ELAVL2: variants seen among roughly 807,000 people sequenced by gnomAD.
The protein encoded by ELAVL2 is ELAV-like protein 2.
A neutral mutation model predicts 34.6 loss-of-function variants in ELAVL2; 4 were observed. The observed-to-expected ratio is 0.12, with a 90% CI of 0.06 to 0.26. The LOEUF is 0.26. Ranked by LOEUF, ELAVL2 falls within the 10% of genes least tolerant of loss-of-function variation. The pLI is 1.00. For synonymous variants in ELAVL2, 193 were observed against 154.8 expected, an observed-to-expected ratio of 1.25 and a Z score of -1.83; for missense variants, 432 against 442.8, an observed-to-expected ratio of 0.98 and a Z score of 0.22.
At chr9:23,769,901 G>A (rs1296672573) in intron 1 of ELAVL2, among the ~76,000 whole-genome samples, 1 of 152,184 alleles carries the variant, frequency 6.6e-6, no homozygotes, top group African/African-American at 2.4e-5. Flanking sequence ...CAAAAGCTTT[G>A]AGGTTAGAGA....
At chr9:23,781,286 G>C (rs545759709) in intron 1 of ELAVL2, among the ~76,000 whole-genome samples, 1 of 152,062 alleles carries the variant, frequency 6.6e-6, no homozygotes, top group African/African-American at 2.4e-5. Context: ...TTAATTTATG[G>C]TAAGGTCAAA....
rs1038349947 is a variant in ELAVL2, at chr9:23,779,309, G to A, written c.-15-17060C>T. 8 of 985,308 alleles carry A rather than the reference G, an allele frequency of 8.1e-6. No homozygotes were observed. In the Admixed American group the frequency reaches 4.3e-4, roughly 53 times the overall value. 61.0% of individuals were successfully genotyped at this position (985,308 alleles called of 1,614,324 possible). On this transcript the variant is annotated intron_variant, in intron 1 of 6. Transcript: ENST00000397312. ...AAAACCTGCTTCACACTGGCAAAGT[G>A]GGCAGACAGAGGAACAAAGGCAATT...
Position 23,818,111 on chromosome 9 carries a change from A to G in ELAVL2, c.-16+7695T>C, listed in dbSNP as rs148159115. Among the ~76,000 whole-genome samples, 572 of 152,334 alleles carry G rather than the reference A, an allele frequency of 3.8e-3. 2 individuals carry two copies. Among genetic ancestry groups the G allele is most frequent in the Non-Finnish European group, 4.2e-3 (287 of 68,036 alleles). On this transcript the variant is annotated intron_variant, in intron 1 of 6. Coordinates refer to ENST00000397312, the MANE Select transcript of ELAVL2 (RefSeq NM_004432.5). The stretch of plus-strand genomic sequence containing the variant: ...CAATATGTGGGCTCTGTGCGTAACC[A>G]GAACCGGTGAAGACTTCTACACCTG...
rs186423141 is a variant in ELAVL2 at position 23,797,865 on chromosome 9, T to A, written c.-16+27941A>T. Among the ~76,000 whole-genome samples, 594 of 150,260 alleles carry A rather than the reference T, an allele frequency of 4.0e-3. 2 individuals are homozygous for A. Among genetic ancestry groups the A allele is most frequent in the Non-Finnish European group, 6.7e-3 (450 of 67,640 alleles). ...ATCTCTTGAACCTGGGAAGCGGAGG[T>A]TGCGGTAAGCTGAAATCACGCCATT... is the stretch of plus-strand genomic sequence containing the variant. On this transcript the variant is annotated intron_variant, in intron 1 of 6. Coordinates refer to ENST00000397312, the MANE Select transcript of ELAVL2 (RefSeq NM_004432.5).
At chr9:23,731,175 C>G in intron 2 of ELAVL2, 50 bp from the exon 3 acceptor site, 1 of 1,508,792 alleles carries the variant, frequency 6.6e-7, no homozygotes, top group South Asian at 1.3e-5. Context: ...ATACTGTTGA[C>G]AGAGATCAAC....
intron 1 of ELAVL2, among the ~76,000 whole-genome samples, chr9:23,773,450 C>T (rs943418262): frequency 6.6e-6 from 1 of 152,160 alleles, no homozygotes; most frequent in South Asian, 2.1e-4. Flanking sequence ...GTCTTAGTAT[C>T]ATTCAAGTAA....
chr9:23,802,225 G>C lies in ELAVL2; in HGVS notation c.-16+23581C>G, dbSNP rs16907780. Among the ~76,000 whole-genome samples, 184 of 152,236 alleles carry C rather than the reference G, an allele frequency of 1.2e-3. 3 individuals carry two copies. In the East Asian group the frequency reaches 0.018, roughly 15 times the overall value. ...CATGTGACCTTCCAACGTGCTCCAA[G>C]TATGTTGTATGTAGATGTGTGGGCA... On this transcript the variant is annotated intron_variant, in intron 1 of 6. Transcript: ENST00000397312.
At position 23,797,337 on chromosome 9, in the gene ELAVL2, G is replaced by A. The variant is rs554977355; in HGVS notation, c.-16+28469C>T. Among the ~76,000 whole-genome samples the A allele has an allele frequency of 2.6e-5, 4 of 152,256 alleles. 1 individual carries two copies. The South Asian group carries it at 8.3e-4, about 32-fold the overall frequency. On this transcript the variant is annotated intron_variant, in intron 1 of 6. Transcript: ENST00000397312. ...AATATCATTAAACTGATCTTAAATT[G>A]TAATGCATGCTAAGTCCCTAGCACA...
At chr9:23,715,336 G>A (rs1319965751) in intron 3 of ELAVL2, among the ~76,000 whole-genome samples, 2 of 152,050 alleles carry the variant, frequency 1.3e-5, no homozygotes, top group Non-Finnish European at 2.9e-5. Context: ...TTTTTGTAGA[G>A]ACGGGGTTTC....
At chr9:23,831,913 G>A in the ELAVL2 span, among the ~76,000 whole-genome samples, 27 of 152,284 alleles carry the variant, frequency 1.8e-4, 1 homozygote, top group South Asian at 5.6e-3. Flanking sequence ...AAGGGACACA[G>A]CATCTGGCCA....
intron 1 of ELAVL2, among the ~76,000 whole-genome samples, chr9:23,785,379 G>C (rs972439097): frequency 1.8e-4 from 27 of 152,250 alleles, no homozygotes; most frequent in African/African-American, 5.5e-4. Context: ...ATAGACCAAA[G>C]CATATTATAA....
intron 1 of ELAVL2, among the ~76,000 whole-genome samples, chr9:23,793,942 G>T (rs1355662421): frequency 1.3e-5 from 2 of 152,050 alleles, no homozygotes; most frequent in Admixed American, 6.6e-5. Context: ...CTCTTTCCTG[G>T]TAACTTAGCA....
chr9:23,778,850 C>G (rs900521015), intron 1 of ELAVL2, among the ~76,000 whole-genome samples: 2 of 152,156 alleles, frequency 1.3e-5, no homozygotes, highest in Non-Finnish European at 2.9e-5. Context: ...CACAGACATT[C>G]AAAGCACTCT....
intron 2 of ELAVL2, among the ~76,000 whole-genome samples, chr9:23,743,586 C>G (rs1410960515): frequency 6.6e-6 from 1 of 152,246 alleles, no homozygotes; most frequent in East Asian, 1.9e-4. Context: ...AACGAACTAT[C>G]TAAATCATAT....
At chr9:23,801,907 G>A (rs1286056033) in intron 1 of ELAVL2, among the ~76,000 whole-genome samples, 1 of 152,184 alleles carries the variant, frequency 6.6e-6, no homozygotes, top group African/African-American at 2.4e-5. Flanking sequence ...GTGGAGCCCT[G>A]ATTGACAATG....
chr9:23,723,643 G>C (rs886543156), intron 3 of ELAVL2, among the ~76,000 whole-genome samples: 3 of 151,474 alleles, frequency 2.0e-5, no homozygotes, highest in Non-Finnish European at 4.4e-5. Context: ...TGTTATCTTA[G>C]AAATCAAACT....
chr9:23,774,213 CAAAAAAAA>C lies in ELAVL2; in HGVS notation c.-15-11972_-15-11965del, dbSNP rs57247631. ...GGCAAAAGTGCGAGAGACTCCATCT[CAAAAAAAA>C]AAAAAAAAAAAAAAAAAGAAAGAAA... On this transcript the variant is annotated intron_variant, in intron 1 of 6. Transcript: ENST00000397312. Among the ~76,000 whole-genome samples, 59 of 61,450 alleles carry C rather than the reference CAAAAAAAA, an allele frequency of 9.6e-4. 2 individuals are homozygous for C. Among genetic ancestry groups the C allele is most frequent in the South Asian group, 7.3e-3 (8 of 1,102 alleles). 40.3% of individuals were successfully genotyped at this position (61,450 alleles called of 152,430 possible). A position where few individuals can be genotyped will look rare whatever the true frequency, so the allele number is the denominator to read the frequency against.
At chr9:23,708,011 A>G (rs1381806000) in intron 3 of ELAVL2, among the ~76,000 whole-genome samples, 1 of 151,968 alleles carries the variant, frequency 6.6e-6, no homozygotes, top group Non-Finnish European at 1.5e-5. Flanking sequence ...ATGCTTATAT[A>G]AAGGCTTTGA....
At chr9:23,702,964 A>AAAAAAAAAAAAAAAAAAAAAAAAAAC (rs1563956937) in intron 4 of ELAVL2, among the ~76,000 whole-genome samples, 1 of 141,672 alleles carries the variant, frequency 7.1e-6, no homozygotes, top group Non-Finnish European at 1.5e-5. Context: ...AAAAAAAAAA[A>AAAAAAAAAAAAAAAAAAAAAAAAAAC]AAAAAAAAAA....
Sources: gnomAD v4.1 joint callset for allele counts (sites outside exome capture counted in the v4.1 genomes callset) on GRCh38, gnomAD v4.1.1 for gene constraint, MANE v1.5 for transcripts, NCBI Gene and HGNC (gene_info 2026-07-23, HGNC 2026-07-21) for gene names.